DSG4: variants seen among roughly 807,000 people sequenced by gnomAD.
The protein encoded by DSG4 is desmoglein 4, also known as desmoglein-4.
A neutral mutation model predicts 93.1 loss-of-function variants in DSG4; 87 were observed. The ratio of observed to expected loss-of-function variants is 0.93; its 90% CI spans 0.79 to 1.12. The LOEUF (loss-of-function observed/expected upper bound fraction) is 1.12, where lower values mean the gene tolerates loss of function less well. Among genes scored for constraint, DSG4 ranks in the 50% most tolerant of loss-of-function variants. The pLI is 0.00. For missense variants in DSG4, 1,373 were observed against 1,285.7 expected, an observed-to-expected ratio of 1.07 and a Z score of -1.04; for synonymous variants, 432 against 452.9, an observed-to-expected ratio of 0.95 and a Z score of 0.59.
At chr18:31,379,985 C>A (rs1162131110) in intron 1 of DSG4, among the ~76,000 whole-genome samples, 1 of 152,184 alleles carries the variant, frequency 6.6e-6, no homozygotes, top group Non-Finnish European at 1.5e-5. Flanking sequence ...CGAAGCAAAT[C>A]TCACCTCTAT....
rs73410297 is a variant in DSG4 at position 31,412,914 on chromosome 18, C to T, written c.2442C>T (p.Pro814=). ...LIYDHEGVGS[P]VGSIGCCSWI... ...ATGACCACGAGGGAGTCGGGTCTCC[C>T]GTAGGCTCTATTGGTTGTTGCAGTT... The change falls in exon 16 of 16, where the codon CCC becomes CCT. Residue 814 remains proline, a synonymous_variant. Coordinates refer to ENST00000308128, the MANE Select transcript of DSG4 (RefSeq NM_177986.5). The T allele has an allele frequency of 1.6e-3, 2,513 of 1,614,112 alleles. 26 individuals are homozygous for T. The African/African-American group carries it at 0.029, about 19-fold the overall frequency.
intron 7 of DSG4, 91 bp from the exon 8 acceptor site, chr18:31,392,061 TTTG>T: frequency 8.3e-7 from 1 of 1,208,362 alleles, no homozygotes; most frequent in African/African-American, 1.5e-5. Flanking sequence ...ATCGACATAG[TTTG>T]TTGTTAGTAT....
Position 31,399,374 on chromosome 18 carries a change from A to T in DSG4, c.1108A>T (p.Thr370Ser). 6.2e-7 allele frequency: 1 copy of T among 1,614,058 alleles called. No individual in the cohort carries two copies. The highest frequency in any genetic ancestry group is 8.5e-7 in the Non-Finnish European group (1 of 1,179,974). The change falls in exon 9 of 16, where the codon ACC (threonine) becomes TCC (serine). Residue 370 changes from threonine (T) to serine (S), a missense_variant. Transcript: ENST00000308128. ...TGCTTCTCAATTCCAAATGCACCCA[A>T]CCCCTGTGAGAATTCAAGTTGTTGA... is the stretch of plus-strand genomic sequence containing the variant. Reference protein sequence around the residue: ...SVASQFQMHPTPVRIQVVDVR... With the variant: ...SVASQFQMHPSPVRIQVVDVR...
At chr18:31,411,185 C>G in intron 14 of DSG4, 46 bp from the exon 15 acceptor site, 2 of 1,614,258 alleles carry the variant, frequency 1.2e-6, no homozygotes, top group Non-Finnish European at 1.7e-6. Context: ...CAGATGCGCG[C>G]TGCAGGCAAC....
chr18:31,400,251 A>G (rs902563658), intron 9 of DSG4, among the ~76,000 whole-genome samples: 2 of 152,216 alleles, frequency 1.3e-5, no homozygotes, highest in African/African-American at 4.8e-5. Context: ...AGTTTTAGTT[A>G]TTAAATCAGT....
At chr18:31,399,159 C>T (rs2072336425) in intron 8 of DSG4, 113 bp from the exon 9 acceptor site, 1 of 1,369,092 alleles carries the variant, frequency 7.3e-7, no homozygotes, top group African/African-American at 1.5e-5. Context: ...AAAATCTAAA[C>T]AGCGTATCTC....
Position 31,413,738 on chromosome 18 carries a change from C to T in DSG4, c.*143C>T. The T allele has an allele frequency of 8.6e-7, 1 of 1,169,288 alleles. No individual in the cohort carries two copies. The highest frequency in any genetic ancestry group is 1.2e-6 in the Non-Finnish European group (1 of 827,586). 72.4% of individuals were successfully genotyped at this position (1,169,288 alleles called of 1,614,324 possible). A position where few individuals can be genotyped will look rare whatever the true frequency, so the allele number is the denominator to read the frequency against. On this transcript the variant is annotated 3_prime_UTR_variant, in exon 16 of 16. Transcript: ENST00000308128. The stretch of plus-strand genomic sequence containing the variant: ...AGGTCAATGCCATTATTTGATTATA[C>T]CATTTTGAGGGTGAATATGGCTAGG...
intron 8 of DSG4, among the ~76,000 whole-genome samples, chr18:31,392,853 T>G (rs896368682): frequency 1.3e-5 from 2 of 152,212 alleles, no homozygotes; most frequent in African/African-American, 4.8e-5. Context: ...TGAAGCAAGT[T>G]CAGGGCATGG....
Position 31,406,276 on chromosome 18 carries a change from G to T in DSG4, c.1836G>T (p.Thr612=). 2 of 1,614,202 alleles carry T rather than the reference G, an allele frequency of 1.2e-6. No homozygotes were observed. The highest frequency in any genetic ancestry group is 8.5e-7 in the Non-Finnish European group (1 of 1,180,040). Residue 612 remains threonine (T), a synonymous_variant, in exon 12 of 16, where the codon ACG becomes ACT. Transcript: ENST00000308128. ...ACACAGAGGACATAACTGGTGACAC[G>T]TATGGGCCTGTCACTGAAGACCAAG... is the stretch of plus-strand genomic sequence containing the variant. ...GIYTEDITGD[T]YGPVTEDQAG...
chr18:31,389,061 C>T, intron 5 of DSG4, 43 bp downstream of exon 5: 1 of 1,606,726 alleles, frequency 6.2e-7, no homozygotes, highest in Non-Finnish European at 8.5e-7. Flanking sequence ...AGCATATCTA[C>T]TTCTCTTGGT....
chr18:31,386,539 T>A, intron 2 of DSG4, 149 bp from the exon 3 acceptor site: 6 of 1,152,644 alleles, frequency 5.2e-6, no homozygotes, highest in Non-Finnish European at 7.5e-6. Context: ...TATCTATCTA[T>A]CCAGAGTTGT....
intron 15 of DSG4, 79 bp downstream of exon 15, chr18:31,411,527 G>A (rs960274960): frequency 2.7e-6 from 4 of 1,505,612 alleles, no homozygotes; most frequent in Non-Finnish European, 3.6e-6. Flanking sequence ...ATGGTAGTAG[G>A]CCTCTTCGGA....
At chr18:31,395,246 CT>C (rs1387840280) in intron 8 of DSG4, among the ~76,000 whole-genome samples, 2 of 148,404 alleles carry the variant, frequency 1.3e-5, no homozygotes, top group Non-Finnish European at 3.0e-5. Flanking sequence ...GTGATAACAA[CT>C]TTTTTAAAGA....
At chr18:31,388,619 A>T in intron 4 of DSG4, 97 bp downstream of exon 4, 2 of 1,515,808 alleles carry the variant, frequency 1.3e-6, no homozygotes, top group Non-Finnish European at 1.8e-6. Context: ...TTGATAAAAC[A>T]TGGCAGACTG....
At chr18:31,384,581 A>G (rs2072167537) in intron 1 of DSG4, among the ~76,000 whole-genome samples, 1 of 152,180 alleles carries the variant, frequency 6.6e-6, no homozygotes. Context: ...CCAACTGACA[A>G]AGAACTTATT....
At chr18:31,394,010 C>G (rs796279610) in intron 8 of DSG4, among the ~76,000 whole-genome samples, 5 of 152,294 alleles carry the variant, frequency 3.3e-5, no homozygotes, top group African/African-American at 1.2e-4. Flanking sequence ...GTTTGGAAAA[C>G]ATTGCTTTGG....
chr18:31,389,472 T>C (rs114387896), intron 5 of DSG4, among the ~76,000 whole-genome samples: 1,921 of 152,266 alleles, frequency 0.013, 51 homozygotes, highest in African/African-American at 0.045. Flanking sequence ...ACAGACTACA[T>C]AGCAAACTAC....
chr18:31,379,872 G>A (rs62095161), intron 1 of DSG4, among the ~76,000 whole-genome samples: 4,222 of 152,108 alleles, frequency 0.028, 82 homozygotes, highest in Non-Finnish European at 0.042. Context: ...ATCCTATTTG[G>A]CTTGATATTT....
At chr18:31,410,249 G>A (rs2072471641) in intron 14 of DSG4, among the ~76,000 whole-genome samples, 1 of 151,926 alleles carries the variant, frequency 6.6e-6, no homozygotes. Flanking sequence ...TAACCTCACT[G>A]GGCCTCAGTT....
Sources: allele counts gnomAD v4.1 joint callset (sites outside exome capture counted in the v4.1 genomes callset), GRCh38; gene constraint gnomAD v4.1.1; transcripts MANE v1.5; gene names NCBI Gene and HGNC (gene_info 2026-07-23, HGNC 2026-07-21).